Variants in LYZ observed in about 807,000 individuals in gnomAD.
LYZ encodes the protein lysozyme C.
In LYZ, 18 loss-of-function variants were observed where a neutral mutation model predicts 15.8. The observed-to-expected ratio is 1.14, with a 90% CI of 0.79 to 1.69. The LOEUF is 1.69. Ranked by LOEUF, LYZ falls within the 40% of genes most tolerant of loss-of-function variation. The probability of loss-of-function intolerance (pLI) is 0.00; values close to 1 mark genes in which losing one functional copy is unlikely to be tolerated. For synonymous variants in LYZ, 60 were observed against 61.7 expected (o/e 0.97, Z 0.13); for missense variants, 139 against 182.8 (o/e 0.76, Z 1.38).
In LYZ at chr12:69,353,290, C is replaced by A; in HGVS notation, c.*71C>A. ...AGGGAGTAGGAATTAAGTGAAAGGTCACACTACCATTATTTCCCCTTCAAA... is the reference window on the plus strand; with the variant it reads ...AGGGAGTAGGAATTAAGTGAAAGGTAACACTACCATTATTTCCCCTTCAAA... On this transcript the variant is annotated 3_prime_UTR_variant, in exon 4 of 4. Transcript: ENST00000261267. 8.9e-7 allele frequency: 1 copy of A among 1,123,060 alleles called. No homozygotes were observed. The highest frequency in any genetic ancestry group is 1.4e-6 in the Non-Finnish European group (1 of 732,092). 69.6% of individuals were successfully genotyped at this position (1,123,060 alleles called of 1,614,324 possible).
intron 1 of LYZ, among the ~76,000 whole-genome samples, chr12:69,349,515 T>C (rs1874794799): frequency 6.6e-6 from 1 of 152,240 alleles, no homozygotes; most frequent in Non-Finnish European, 1.5e-5. Flanking sequence ...AGTTATTTTA[T>C]AGTTTAGTAC....
intron 1 of LYZ, 135 bp from the exon 2 acceptor site, chr12:69,349,973 A>G: frequency 1.4e-6 from 1 of 739,160 alleles, no homozygotes; most frequent in Non-Finnish European, 2.3e-6. Flanking sequence ...CTAAAGTGCT[A>G]AGATATTTTA....
chr12:69,349,600 T>C (rs1874796179), intron 1 of LYZ, among the ~76,000 whole-genome samples: 1 of 152,220 alleles, frequency 6.6e-6, no homozygotes, highest in South Asian at 2.1e-4. Context: ...TATTTTTGAA[T>C]GAATGAGTGA....
chr12:69,352,341 G>A (rs779554998), intron 3 of LYZ, 43 bp downstream of exon 3: 20 of 1,464,820 alleles, frequency 1.4e-5, no homozygotes, highest in Non-Finnish European at 1.8e-5. Flanking sequence ...TTACTCTACT[G>A]TTGATATATA....
At chr12:69,352,521 GT>G (rs1338554143) in intron 3 of LYZ, among the ~76,000 whole-genome samples, 1 of 152,208 alleles carries the variant, frequency 6.6e-6, no homozygotes, top group Non-Finnish European at 1.5e-5. Context: ...GATTTCTAGA[GT>G]TTTAAGATGC....
chr12:69,348,545 G>T lies in LYZ; in HGVS notation c.136+1G>T. ...TACAGGGGAATCAGCCTAGCAAACT[G>T]TAAGTCTACTCTCCATAATTCCAGA... On this transcript the variant is annotated splice_donor_variant, in intron 1 of 3. Coordinates refer to ENST00000261267, the MANE Select transcript of LYZ (RefSeq NM_000239.3). LOFTEE classifies it high-confidence loss of function. The T allele has an allele frequency of 6.2e-7, 1 of 1,614,184 alleles. No homozygotes were observed. Among genetic ancestry groups the T allele is most frequent in the Non-Finnish European group, 8.5e-7 (1 of 1,180,024 alleles).
chr12:69,350,606 T>A (rs942655845), intron 2 of LYZ: 1 of 278,096 alleles, frequency 3.6e-6, no homozygotes, highest in African/African-American at 2.2e-5. Context: ...CTTTTTCAAT[T>A]GTTTTACTTT....
rs952491672 is a variant in LYZ at position 69,353,715 on chromosome 12, C to G, written c.*496C>G. The G allele has an allele frequency of 5.6e-6, 1 of 179,282 alleles. No homozygotes were observed. The allele number at this position is 179,282 out of a possible 1,614,324, so 11.1% of individuals were successfully genotyped here. A position where few individuals can be genotyped will look rare whatever the true frequency, so the allele number is the denominator to read the frequency against. ...GTGTTAGCCAGGATGGTCTCGATCT[C>G]CTGACCTTGTGATCCACCCACCTCG... On this transcript the variant is annotated 3_prime_UTR_variant, in exon 4 of 4. Coordinates refer to ENST00000261267, the MANE Select transcript of LYZ (RefSeq NM_000239.3).
At chr12:69,349,722 TA>T (rs1017432669) in intron 1 of LYZ, among the ~76,000 whole-genome samples, 2 of 152,184 alleles carry the variant, frequency 1.3e-5, no homozygotes, top group Non-Finnish European at 2.9e-5. Context: ...TTTTTCTGAT[TA>T]AAAAAAGCAT....
At chr12:69,350,318 T>G in intron 2 of LYZ, 46 bp downstream of exon 2, 1 of 1,600,806 alleles carries the variant, frequency 6.2e-7, no homozygotes, top group African/African-American at 1.3e-5. Flanking sequence ...CTTACAAGAA[T>G]TGAGACTCAA....
At chr12:69,348,729 G>A (rs188841679) in intron 1 of LYZ, among the ~76,000 whole-genome samples, 185 bp downstream of exon 1, 41 of 152,256 alleles carry the variant, frequency 2.7e-4, no homozygotes, top group Admixed American at 2.6e-3. Context: ...AAAGGAATAC[G>A]GGCATGGCAG....
At chr12:69,350,729 T>C (rs1874824546) in intron 2 of LYZ, among the ~76,000 whole-genome samples, 1 of 145,110 alleles carries the variant, frequency 6.9e-6, no homozygotes, top group Admixed American at 7.1e-5. Flanking sequence ...TAGTTGCTTC[T>C]TCTATGCCTT....
At chr12:69,351,138 A>G (rs965901661) in intron 2 of LYZ, among the ~76,000 whole-genome samples, 15 of 152,112 alleles carry the variant, frequency 9.9e-5, no homozygotes, top group Admixed American at 2.0e-4. Flanking sequence ...TTTAGTTTAC[A>G]TCTTCAAAAA....
At chr12:69,351,988 G>T (rs573980045) in intron 2 of LYZ, among the ~76,000 whole-genome samples, 1 of 151,990 alleles carries the variant, frequency 6.6e-6, no homozygotes, top group Non-Finnish European at 1.5e-5. Context: ...TAATCATTTT[G>T]TTAATACTTC....
chr12:69,353,157 G>C lies in LYZ; in HGVS notation c.385G>C (p.Ala129Pro), dbSNP rs749469402. ...TTGCTTCATCTTTTTCTACAGGGTG[G>C]CATGGAGAAATCGTTGTCAAAACAG... is the stretch of plus-strand genomic sequence containing the variant. ...RDPQGIRAWVAWRNRCQNRDV... is the reference protein window; with the variant it reads ...RDPQGIRAWVPWRNRCQNRDV... Residue 129 changes from alanine to proline, a missense_variant, in exon 4 of 4, where the codon GCA (alanine) becomes CCA (proline). Physicochemically the swap from Ala to Pro is conservative, Grantham distance 27. Coordinates refer to ENST00000261267, the MANE Select transcript of LYZ (RefSeq NM_000239.3). 6.2e-7 allele frequency: 1 copy of C among 1,612,536 alleles called. No individual in the cohort carries two copies. The highest frequency in any genetic ancestry group is 1.7e-5 in the Admixed American group (1 of 60,018).
Position 69,353,154 on chromosome 12 carries a change from G to T in LYZ, c.382G>T (p.Val128Leu). The T allele has an allele frequency of 6.2e-7, 1 of 1,611,914 alleles. No individual in the cohort carries two copies. The highest frequency in any genetic ancestry group is 8.5e-7 in the Non-Finnish European group (1 of 1,178,012). Residue 128 changes from valine (V) to leucine (L), a missense_variant and splice_region_variant, in exon 4 of 4, where the codon GTG becomes TTG. Coordinates refer to ENST00000261267, the MANE Select transcript of LYZ (RefSeq NM_000239.3). Reference sequence around the variant, plus strand: ...CATTTGCTTCATCTTTTTCTACAGGGTGGCATGGAGAAATCGTTGTCAAAA... The same window carrying T: ...CATTTGCTTCATCTTTTTCTACAGGTTGGCATGGAGAAATCGTTGTCAAAA... ...VRDPQGIRAW[V>L]AWRNRCQNRD...
chr12:69,348,611 G>A, intron 1 of LYZ, 67 bp downstream of exon 1: 1 of 1,579,100 alleles, frequency 6.3e-7, no homozygotes, highest in Non-Finnish European at 8.7e-7. Context: ...AGAGAAGGAA[G>A]AAGAAGAAGG....
Position 69,353,527 on chromosome 12 carries a change from C to T in LYZ, c.*308C>T, listed in dbSNP as rs1265082673. On this transcript the variant is annotated 3_prime_UTR_variant, in exon 4 of 4. Transcript: ENST00000261267. Reference sequence around the variant, plus strand: ...TTTTTTTGAGACAGTCTCGCTCTGTCGCCCAGGCTGGAGTGCAGTGGCGCA... The same window carrying T: ...TTTTTTTGAGACAGTCTCGCTCTGTTGCCCAGGCTGGAGTGCAGTGGCGCA... The T allele has an allele frequency of 1.2e-5, 3 of 252,654 alleles. No homozygotes were observed. Among genetic ancestry groups the T allele is most frequent in the African/African-American group, 6.8e-5 (2 of 29,258 alleles). 15.7% of individuals were successfully genotyped at this position (252,654 alleles called of 1,614,324 possible). A position where few individuals can be genotyped will look rare whatever the true frequency, so the allele number is the denominator to read the frequency against.
chr12:69,353,494 G>GTTATTTTTTTTTTTTT lies in LYZ; in HGVS notation c.*277_*278insATTTTTTTTTTTTTTT. On this transcript the variant is annotated 3_prime_UTR_variant, in exon 4 of 4. Transcript: ENST00000261267. ...ATCAAATACATCTCCAGTACATTCC[G>GTTATTTTTTTTTTTTT]TTCTTTTTTTTTTTGAGACAGTCTC... 1 of 211,304 alleles carries GTTATTTTTTTTTTTTT rather than the reference G, an allele frequency of 4.7e-6. No individual in the cohort carries two copies. 13.1% of individuals were successfully genotyped at this position (211,304 alleles called of 1,614,324 possible).
Sources: gnomAD v4.1 joint callset for allele counts (sites outside exome capture counted in the v4.1 genomes callset) on GRCh38, gnomAD v4.1.1 for gene constraint, MANE v1.5 for transcripts, NCBI Gene and HGNC (gene_info 2026-07-23, HGNC 2026-07-21) for gene names.